Variants in CD276 observed in about 807,000 individuals in gnomAD.
The protein encoded by CD276 is CD276 antigen.
Under a neutral mutation model 50.0 loss-of-function variants are expected in CD276, and 34 were observed. The observed-to-expected ratio is 0.68, with a 90% confidence interval of 0.52 to 0.91. The LOEUF (loss-of-function observed/expected upper bound fraction) is 0.91, where lower values mean the gene tolerates loss of function less well. Ranked by LOEUF, CD276 falls within the 40% of genes least tolerant of loss-of-function variation. The pLI is 0.00. For missense variants in CD276, 634 were observed against 717.5 expected (o/e 0.88, Z 1.33); for synonymous variants, 275 against 313.0 (o/e 0.88, Z 1.28).
chr15:73,696,734 A>C (rs1900194050), intron 1 of CD276, among the ~76,000 whole-genome samples: 1 of 152,138 alleles, frequency 6.6e-6, no homozygotes, highest in Non-Finnish European at 1.5e-5. Flanking sequence ...TTATATGAAG[A>C]GTCTTGAGTA....
In CD276 at chr15:73,703,006, A is replaced by G. The variant is rs764935765; in HGVS notation, c.653A>G (p.Tyr218Cys). 3 of 1,614,068 alleles carry G rather than the reference A, an allele frequency of 1.9e-6. No homozygotes were observed. The highest frequency in any genetic ancestry group is 8.5e-7 in the Non-Finnish European group (1 of 1,179,986). The change falls in exon 4 of 10, where the codon TAC (tyrosine) becomes TGC (cysteine). Residue 218 changes from tyrosine (Y) to cysteine (C), a missense_variant. Transcript: ENST00000318443. ...LRVVLGANGT[Y>C]SCLVRNPVLQ... ...GTGGTGCTGGGTGCAAATGGCACCT[A>G]CAGCTGCCTGGTGCGCAACCCCGTG...
At chr15:73,711,343 A>C in intron 9 of CD276, 173 bp downstream of exon 9, 1 of 660,462 alleles carries the variant, frequency 1.5e-6, no homozygotes, top group East Asian at 2.7e-5. Context: ...CCAAGGTCCC[A>C]GCTGCTCTGA....
chr15:73,701,330 C>A lies in CD276; in HGVS notation c.80-925C>A, dbSNP rs780671598. Among the ~76,000 whole-genome samples the A allele has an allele frequency of 2.0e-5, 3 of 152,332 alleles. No individual in the cohort carries two copies. The South Asian group carries it at 6.2e-4, about 32-fold the overall frequency. ...GCCCCTAACTGGCCTCCCCCTTGCCCTGCCACAGTCCAGTCTCCACAGAGG... is the reference window on the plus strand; with the variant it reads ...GCCCCTAACTGGCCTCCCCCTTGCCATGCCACAGTCCAGTCTCCACAGAGG... On this transcript the variant is annotated intron_variant, in intron 2 of 9. Coordinates refer to ENST00000318443, the MANE Select transcript of CD276 (RefSeq NM_001024736.2).
At chr15:73,696,416 T>G (rs1900179285) in intron 1 of CD276, among the ~76,000 whole-genome samples, 1 of 152,286 alleles carries the variant, frequency 6.6e-6, no homozygotes, top group South Asian at 2.1e-4. Context: ...CTCTTTCTCC[T>G]GTCCTCAGCT....
At chr15:73,708,545 G>C in intron 7 of CD276, 72 bp downstream of exon 7, 1 of 1,506,230 alleles carries the variant, frequency 6.6e-7, no homozygotes, top group Non-Finnish European at 9.0e-7. Flanking sequence ...TGTCTTTGAT[G>C]TCAATAGAGT....
In CD276 at chr15:73,690,452, T is replaced by C. The variant is rs188829628; in HGVS notation, c.-55+5992T>C. ...CTATAACAGAATACCACAGCCTGGG[T>C]AATATATAAAGAAAAAAAGGTTATT... is the stretch of plus-strand genomic sequence containing the variant. On this transcript the variant is annotated intron_variant, in intron 1 of 9. Transcript: ENST00000318443. Among the ~76,000 whole-genome samples, 222 of 152,258 alleles carry C rather than the reference T, an allele frequency of 1.5e-3. 1 individual carries two copies. The highest frequency in any genetic ancestry group is 2.1e-3 in the Non-Finnish European group (145 of 68,020).
chr15:73,713,453 T>C lies in CD276; in HGVS notation c.*497T>C. The C allele has an allele frequency of 3.6e-6, 1 of 276,464 alleles. No individual in the cohort carries two copies. The highest frequency in any genetic ancestry group is 3.2e-5 in the South Asian group (1 of 30,816). 17.1% of individuals were successfully genotyped at this position (276,464 alleles called of 1,614,324 possible). On this transcript the variant is annotated 3_prime_UTR_variant, in exon 10 of 10. Transcript: ENST00000318443. The stretch of plus-strand genomic sequence containing the variant: ...GATCATGTTCAGCCCTGCTTCCACC[T>C]GCATAGAATCTTTTCTTCTCAGACA...
Position 73,713,607 on chromosome 15 carries a change from C to T in CD276, c.*651C>T, listed in dbSNP as rs550788538. On this transcript the variant is annotated 3_prime_UTR_variant, in exon 10 of 10. Transcript: ENST00000318443. ...CCAAGTGAAGACAGGGCACTCTGCG[C>T]CCACCACATGCACAGCTGTGCATGG... The T allele has an allele frequency of 6.2e-5, 21 of 337,392 alleles. No individual in the cohort carries two copies. The East Asian group carries it at 2.5e-3, about 41-fold the overall frequency. 20.9% of individuals were successfully genotyped at this position (337,392 alleles called of 1,614,324 possible). A position where few individuals can be genotyped will look rare whatever the true frequency, so the allele number is the denominator to read the frequency against.
chr15:73,708,352 A>C lies in CD276; in HGVS notation c.1383A>C (p.Thr461=). 6.2e-7 allele frequency: 1 copy of C among 1,614,120 alleles called. No homozygotes were observed. Among genetic ancestry groups the C allele is most frequent in the Non-Finnish European group, 8.5e-7 (1 of 1,180,014 alleles). The part of the protein sequence containing the change: ...GSVTITGQPM[T]FPPEALWVTV... ...TTTTCCTCTCAGGGCAGCCTATGAC[A>C]TTCCCCCCAGAGGCCCTGTGGGTGA... Residue 461 remains threonine (T), a synonymous_variant, in exon 7 of 10, where the codon ACA becomes ACC. Coordinates refer to ENST00000318443, the MANE Select transcript of CD276 (RefSeq NM_001024736.2).
At position 73,703,804 on chromosome 15, in the gene CD276, G is replaced by A. The variant is rs1355713893; in HGVS notation, c.879G>A (p.Leu293=). 1 of 1,613,694 alleles carries A rather than the reference G, an allele frequency of 6.2e-7. No homozygotes were observed. Residue 293 remains leucine, a synonymous_variant, in exon 5 of 10, where the codon CTG becomes CTA. Coordinates refer to ENST00000318443, the MANE Select transcript of CD276 (RefSeq NM_001024736.2). ...GGCAGCTGACAGACACCAAACAGCTGGTGCACAGTTTCACCGAAGGCCGGG... is the reference window on the plus strand; with the variant it reads ...GGCAGCTGACAGACACCAAACAGCTAGTGCACAGTTTCACCGAAGGCCGGG... ...LIWQLTDTKQ[L]VHSFTEGRDQ...
chr15:73,699,368 C>G (rs1900287541), intron 1 of CD276, among the ~76,000 whole-genome samples: 1 of 152,194 alleles, frequency 6.6e-6, no homozygotes, highest in South Asian at 2.1e-4. Flanking sequence ...TGGATCCCAG[C>G]TGCCCCCTAC....
intron 1 of CD276, among the ~76,000 whole-genome samples, chr15:73,693,096 C>T (rs910218255): frequency 2.0e-5 from 3 of 152,258 alleles, no homozygotes; most frequent in Non-Finnish European, 2.9e-5. Flanking sequence ...ACTCCTAACC[C>T]CGGTGTACTG....
intron 2 of CD276, among the ~76,000 whole-genome samples, chr15:73,701,490 G>A (rs1205254306): frequency 6.6e-6 from 1 of 152,178 alleles, no homozygotes; most frequent in Non-Finnish European, 1.5e-5. Context: ...GGTGGGACAT[G>A]CCCTCCCATC....
In CD276 at chr15:73,704,773, G is replaced by C. The variant is rs2141572613; in HGVS notation, c.1369+301G>C. ...AATTCTGGGGCAGCCACAAGGTGTG[G>C]CCCAGGGGACTTGGTGTGGGTGTGC... On this transcript the variant is annotated intron_variant, in intron 6 of 9. Transcript: ENST00000318443. The surrounding 1 kb of genome is among the most constrained non-coding windows in gnomAD (Gnocchi z 4.1). Among the ~76,000 whole-genome samples the C allele has an allele frequency of 6.6e-6, 1 of 152,328 alleles. No individual in the cohort carries two copies. Among genetic ancestry groups the C allele is most frequent in the South Asian group, 2.1e-4 (1 of 4,828 alleles).
rs1900737841 is a variant in CD276 at position 73,708,455 on chromosome 15, T to TGGAGAAAGATCAAACA, written c.1487_1488insGAGAAAGATCAAACAG (p.Cys496TrpfsTer7). The stretch of plus-strand genomic sequence containing the variant: ...GTGCTGGAGAAAGATCAAACAGAGC[T>TGGAGAAAGATCAAACA]GTGAGGAGGAGAATGCAGGTGAGTG... On this transcript the variant is annotated frameshift_variant, in exon 7 of 10. Coordinates refer to ENST00000318443, the MANE Select transcript of CD276 (RefSeq NM_001024736.2). LOFTEE classifies it high-confidence loss of function. The TGGAGAAAGATCAAACA allele has an allele frequency of 6.2e-7, 1 of 1,613,614 alleles. No individual in the cohort carries two copies. Among genetic ancestry groups the TGGAGAAAGATCAAACA allele is most frequent in the African/African-American group, 1.3e-5 (1 of 74,920 alleles).
intron 1 of CD276, chr15:73,686,433 A>C: frequency 3.4e-5 from 8 of 236,440 alleles, no homozygotes; most frequent in Non-Finnish European, 5.5e-5. Flanking sequence ...TGAATGTCTC[A>C]TGTTCATATA....
chr15:73,713,409 A>G lies in CD276; in HGVS notation c.*453A>G, dbSNP rs1204995528. 4.0e-6 allele frequency: 1 copy of G among 249,412 alleles called. No homozygotes were observed. Among genetic ancestry groups the G allele is most frequent in the East Asian group, 1.7e-4 (1 of 5,996 alleles). The allele number at this position is 249,412 out of a possible 1,614,324, so 15.4% of individuals were successfully genotyped here. A position where few individuals can be genotyped will look rare whatever the true frequency, so the allele number is the denominator to read the frequency against. On this transcript the variant is annotated 3_prime_UTR_variant, in exon 10 of 10. Transcript: ENST00000318443. ...TAGTCACCCCGGCCTTGTTTCTCCA[A>G]TGGCCGTGATACACTAGTGATCATG...
Position 73,703,771 on chromosome 15 carries a change from C to G in CD276, c.846C>G (p.Asn282Lys), listed in dbSNP as rs1207775059. The G allele has an allele frequency of 6.2e-7, 1 of 1,613,694 alleles. No homozygotes were observed. ...CTGGCTTCAGCCTGGCACAGCTCAA[C>G]CTCATCTGGCAGCTGACAGACACCA... is the stretch of plus-strand genomic sequence containing the variant. ...PEPGFSLAQLNLIWQLTDTKQ... is the reference protein window; with the variant it reads ...PEPGFSLAQLKLIWQLTDTKQ... The change falls in exon 5 of 10, where the codon AAC becomes AAG. Residue 282 changes from asparagine (N) to lysine (K), a missense_variant. Physicochemically the swap from Asn to Lys is moderately conservative, Grantham distance 94 (BLOSUM62 0). Transcript: ENST00000318443.
At chr15:73,708,210 T>G in intron 6 of CD276, 129 bp from the exon 7 acceptor site, 160 of 968,802 alleles carry the variant, frequency 1.7e-4, no homozygotes, top group Non-Finnish European at 2.2e-4. Context: ...GGAACTTAAG[T>G]GAGCTTTATT....
Sources: gnomAD v4.1 joint callset for allele counts (sites outside exome capture counted in the v4.1 genomes callset) on GRCh38, gnomAD v4.1.1 for gene constraint, Gnocchi (gnomAD v3.1) non-coding constraint, MANE v1.5 for transcripts, NCBI Gene and HGNC (gene_info 2026-07-23, HGNC 2026-07-21) for gene names.